The following COL6A3 variants were observed in gnomAD, a reference collection of about 807,000 sequenced individuals.
COL6A3 encodes the protein collagen alpha-3(VI) chain.
A neutral mutation model predicts 274.1 loss-of-function variants in COL6A3; 137 were observed. The observed-to-expected ratio is 0.50, with a 90% confidence interval of 0.44 to 0.58. The LOEUF (loss-of-function observed/expected upper bound fraction) is 0.58. Among genes scored for constraint, COL6A3 ranks in the 20% least tolerant of loss-of-function variants. The pLI, the probability that COL6A3 is intolerant of heterozygous loss-of-function variation, is 0.00. For missense variants in COL6A3, 3,950 were observed against 4,124.9 expected (o/e 0.96, Z 1.16); for synonymous variants, 1,650 against 1,650.6 (o/e 1.00, Z 0.01).
chr2:237,338,333 C>T (rs1287298571), intron 39 of COL6A3, among the ~76,000 whole-genome samples: 1 of 152,330 alleles, frequency 6.6e-6, no homozygotes, highest in East Asian at 1.9e-4. Flanking sequence ...GCCAGCCCAT[C>T]TGAGACCACT....
Position 237,379,047 on chromosome 2 carries a change from A to G in COL6A3, c.2086T>C (p.Tyr696His), listed in dbSNP as rs370342622. 3 of 1,614,240 alleles carry G rather than the reference A, an allele frequency of 1.9e-6. No homozygotes were observed. In the African/African-American group the frequency reaches 4.0e-5, roughly 22 times the overall value. ...CCAAGGATATCTGACTTGGTCTGGT[A>G]TGTGTTTAAAGAGAACTCCGTTACA... ...TPVTEFSLNT[Y>H]QTKSDILGHL... The change falls in exon 6 of 44, where the codon TAC becomes CAC. Residue 696 changes from tyrosine (Y) to histidine (H), a missense_variant. Coordinates refer to ENST00000295550, the MANE Select transcript of COL6A3 (RefSeq NM_004369.4).
intron 7 of COL6A3, among the ~76,000 whole-genome samples, chr2:237,376,251 G>A (rs1393909390): frequency 1.3e-5 from 2 of 152,186 alleles, no homozygotes; most frequent in African/African-American, 4.8e-5. Context: ...AATTAAAGGG[G>A]TTAAATGAAA....
intron 28 of COL6A3, among the ~76,000 whole-genome samples, chr2:237,349,134 T>G (rs1204296498): frequency 2.0e-5 from 3 of 148,226 alleles, no homozygotes; most frequent in Non-Finnish European, 3.0e-5. Flanking sequence ...TCATCACCCC[T>G]AGACCCCCTC....
chr2:237,357,210 C>A, intron 23 of COL6A3, 128 bp downstream of exon 23: 1 of 838,342 alleles, frequency 1.2e-6, no homozygotes, highest in Non-Finnish European at 2.1e-6. Context: ...GAGTAACAAC[C>A]GTTTCAGAAA....
chr2:237,350,225 A>G lies in COL6A3; in HGVS notation c.6817-16T>C. On this transcript the variant is annotated splice_polypyrimidine_tract_variant and intron_variant, in intron 27 of 43. Transcript: ENST00000295550. ...CGGGCTCACCCTAGACATGAGAAAC[A>G]TGGCTGAGACCCTGTGGCCTGGGGC... The G allele has an allele frequency of 6.2e-7, 1 of 1,613,900 alleles. No homozygotes were observed. The highest frequency in any genetic ancestry group is 8.5e-7 in the Non-Finnish European group (1 of 1,179,810).
Position 237,368,444 on chromosome 2 carries a change from T to C in COL6A3, c.4900+119A>G. The C allele has an allele frequency of 2.4e-6, 3 of 1,250,766 alleles. No individual in the cohort carries two copies. The highest frequency in any genetic ancestry group is 3.3e-6 in the Non-Finnish European group (3 of 909,604). 77.5% of individuals were successfully genotyped at this position (1,250,766 alleles called of 1,614,324 possible). On this transcript the variant is annotated intron_variant, in intron 10 of 43. Coordinates refer to ENST00000295550, the MANE Select transcript of COL6A3 (RefSeq NM_004369.4). The surrounding 1 kb of genome is among the most constrained non-coding windows in gnomAD (Gnocchi z 4.4). ...CTTTTCCAGTATTTAATTTCTAATA[T>C]TATCTGAAGAAACAACCCAGAGAGA...
In COL6A3 at chr2:237,365,411, G is replaced by A. The variant is rs116777086; in HGVS notation, c.5838+287C>T. ...ACATACACACAGAGAAATGAAAGTG[G>A]AGAACGTACCTGACTGGACTATAAT... On this transcript the variant is annotated intron_variant, in intron 12 of 43. Transcript: ENST00000295550. 1.6e-3 allele frequency among the ~76,000 whole-genome samples: 247 copies of A among 152,144 alleles called. 2 individuals are homozygous for A. The highest frequency in any genetic ancestry group is 2.9e-3 in the Non-Finnish European group (196 of 67,994).
intron 26 of COL6A3, 108 bp from the exon 27 acceptor site, chr2:237,351,300 A>G: frequency 2.0e-6 from 2 of 1,024,518 alleles, no homozygotes; most frequent in Non-Finnish European, 3.1e-6. Context: ...CGCCAGGGGC[A>G]TGGAACCTGT....
intron 23 of COL6A3, chr2:237,355,914 A>G (rs572982124): frequency 3.3e-5 from 5 of 152,242 alleles, no homozygotes; most frequent in Non-Finnish European, 7.3e-5. Context: ...GTTCCATGAG[A>G]GTCCAGCAGC....
rs957706380 is a variant in COL6A3 at position 237,336,380 on chromosome 2, G to A, written c.8720C>T (p.Pro2907Leu). 1.2e-6 allele frequency: 2 copies of A among 1,614,116 alleles called. No individual in the cohort carries two copies. The highest frequency in any genetic ancestry group is 1.7e-6 in the Non-Finnish European group (2 of 1,180,060). The change falls in exon 40 of 44, where the codon CCA (proline) becomes CTA (leucine). Residue 2907 changes from proline to leucine, a missense_variant. Pro to Leu is a moderately conservative substitution (Grantham distance 98). Transcript: ENST00000295550. ...VTIINQPSVK[P>L]AAAKPAPAKP... is the part of the protein sequence containing the mutation. ...CGCAGGGGCCGGCTTTGCAGCGGCT[G>A]GCTTCACAGATGGCTGATTTATAAT...
Position 237,379,090 on chromosome 2 carries a change from C to T in COL6A3, c.2043G>A (p.Val681=). 8 of 1,614,196 alleles carry T rather than the reference C, an allele frequency of 5.0e-6. No homozygotes were observed. Among genetic ancestry groups the T allele is most frequent in the Non-Finnish European group, 6.8e-6 (8 of 1,180,036 alleles). Residue 681 remains valine, a synonymous_variant, in exon 6 of 44, where the codon GTG becomes GTA. Transcript: ENST00000295550. ...IGNDNIRVGL[V]QFSDTPVTEF... is the part of the protein sequence containing the mutation. Reference sequence around the variant, plus strand: ...CCGTTACAGGAGTGTCACTAAATTGCACTAAACCAACACGAATATTGTCAT... The same window carrying T: ...CCGTTACAGGAGTGTCACTAAATTGTACTAAACCAACACGAATATTGTCAT...
At chr2:237,386,981 T>C (rs2078159036) in intron 4 of COL6A3, among the ~76,000 whole-genome samples, 1 of 152,058 alleles carries the variant, frequency 6.6e-6, no homozygotes, top group Non-Finnish European at 1.5e-5. Flanking sequence ...ATCCTAATAT[T>C]GCCACTCAGG....
chr2:237,353,960 A>T (rs1338617869), intron 24 of COL6A3, among the ~76,000 whole-genome samples: 5 of 152,186 alleles, frequency 3.3e-5, no homozygotes, highest in Non-Finnish European at 7.3e-5. Flanking sequence ...TGGGAACTGC[A>T]TCAGACAGAG....
Position 237,383,266 on chromosome 2 carries a change from A to G in COL6A3, c.1313-1767T>C, listed in dbSNP as rs376573968. ...AAGGTCTATGTTCTAAGAGAAGGGT[A>G]ACATGTTATGCACCAACGTCCTTAA... On this transcript the variant is annotated intron_variant, in intron 4 of 43. Transcript: ENST00000295550. Among the ~76,000 whole-genome samples the G allele has an allele frequency of 1.6e-4, 24 of 152,338 alleles. 1 individual carries two copies. The highest frequency in any genetic ancestry group is 9.8e-4 in the Admixed American group (15 of 15,302).
At chr2:237,348,199 T>C (rs1459655168) in intron 30 of COL6A3, 150 bp downstream of exon 30, 2 of 767,948 alleles carry the variant, frequency 2.6e-6, no homozygotes, top group Non-Finnish European at 4.7e-6. Context: ...GAGAGAGTAT[T>C]TTAGGGAAGG....
chr2:237,378,957 C>T lies in COL6A3; in HGVS notation c.2176G>A (p.Val726Ile). The change falls in exon 6 of 44, where the codon GTC (valine) becomes ATC (isoleucine). Residue 726 changes from valine (V) to isoleucine (I), a missense_variant. Physicochemically the swap from Val to Ile is conservative, Grantham distance 29. Around this residue, in one of 5 missense-constraint regions of COL6A3, gnomAD observed 1,934 missense variants for 1,984.3 expected, o/e 0.97. Coordinates refer to ENST00000295550, the MANE Select transcript of COL6A3 (RefSeq NM_004369.4). ...GLNTGSALSY[V>I]YANHFTEAGG... ...GCTTCCGTGAAGTGGTTGGCATAGA[C>T]ATAGCTTAGGGCTGAGCCTGTGTTC... is the stretch of plus-strand genomic sequence containing the variant. 2 of 1,614,214 alleles carry T rather than the reference C, an allele frequency of 1.2e-6. No homozygotes were observed. The highest frequency in any genetic ancestry group is 1.7e-6 in the Non-Finnish European group (2 of 1,180,034).
intron 1 of COL6A3, among the ~76,000 whole-genome samples, chr2:237,402,265 C>T (rs569760706): frequency 6.6e-6 from 1 of 152,250 alleles, no homozygotes; most frequent in East Asian, 1.9e-4. Context: ...AGGTATAGAG[C>T]TTCTGTTTTG....
In COL6A3 at chr2:237,359,310, G is replaced by A. The variant is rs1438535609; in HGVS notation, c.6309+52C>T. 12 of 1,613,886 alleles carry A rather than the reference G, an allele frequency of 7.4e-6. No homozygotes were observed. In the Admixed American group the frequency reaches 2.0e-4, roughly 27 times the overall value. ...AAGCTATTCTGGCAAAGGAAGAAAT[G>A]AGAAATACTGGGAGAGTTTTCCATT... On this transcript the variant is annotated intron_variant, in intron 18 of 43. Transcript: ENST00000295550.
At position 237,357,390 on chromosome 2, in the gene COL6A3, C is replaced by A; in HGVS notation, c.6539G>T (p.Gly2180Val). The change falls in exon 23 of 44, where the codon GGT becomes GTT. Residue 2180 changes from glycine (G) to valine (V), a missense_variant and splice_region_variant. Gly to Val is a moderately radical substitution (Grantham distance 109). This residue lies in a region of COL6A3 where 1,284 missense variants were observed against 1,349.7 expected (regional missense o/e 0.95). Coordinates refer to ENST00000295550, the MANE Select transcript of COL6A3 (RefSeq NM_004369.4). ...AGGTACTCCATCTCTCCCTGGGACA[C>A]CCTGGTGTGGGGAAAATTAGCATGA... ...KGETGDLGPM[G>V]VPGRDGVPGG... 2 of 1,613,638 alleles carry A rather than the reference C, an allele frequency of 1.2e-6. No homozygotes were observed. Among genetic ancestry groups the A allele is most frequent in the Non-Finnish European group, 1.7e-6 (2 of 1,179,522 alleles).
Sources: gnomAD v4.1 joint callset for allele counts (sites outside exome capture counted in the v4.1 genomes callset) on GRCh38, gnomAD v4.1.1 for gene constraint, gnomAD v4.1.1 regional missense constraint, Gnocchi (gnomAD v3.1) non-coding constraint, MANE v1.5 for transcripts, NCBI Gene and HGNC (gene_info 2026-07-23, HGNC 2026-07-21) for gene names.